The following RBFOX1 variants were observed in gnomAD, a reference collection of about 807,000 sequenced individuals.
The protein encoded by RBFOX1 is RNA binding protein fox-1 homolog 1.
A neutral mutation model predicts 57.7 loss-of-function variants in RBFOX1; 8 were observed. The ratio of observed to expected loss-of-function variants is 0.14; its 90% confidence interval spans 0.08 to 0.25. The LOEUF is 0.25. RBFOX1 is among the 10% of genes least tolerant of loss of function. RBFOX1 has a pLI of 1.00. For missense variants in RBFOX1, 611 were observed against 548.5 expected (o/e 1.11, Z -1.14); for synonymous variants, 326 against 222.4 (o/e 1.47, Z -4.15).
At chr16:6,603,104 C>T (rs1353118000) in intron 2 of RBFOX1, among the ~76,000 whole-genome samples, 1 of 152,204 alleles carries the variant, frequency 6.6e-6, no homozygotes, top group Admixed American at 6.5e-5. Context: ...GGAAACTAAT[C>T]ATCACCGTTG....
At chr16:5,936,532 T>A (rs1288499013) in intron 4 of RBFOX1, among the ~76,000 whole-genome samples, 1 of 152,178 alleles carries the variant, frequency 6.6e-6, no homozygotes, top group Non-Finnish European at 1.5e-5. Context: ...CCTCTGCCCA[T>A]GTCAAGGAGA....
chr16:6,981,688 C>T (rs558785624), intron 3 of RBFOX1, among the ~76,000 whole-genome samples: 2 of 152,132 alleles, frequency 1.3e-5, no homozygotes, highest in Non-Finnish European at 1.5e-5. Context: ...TTTTATAAAA[C>T]CATCTTGTCA....
intron 3 of RBFOX1, among the ~76,000 whole-genome samples, chr16:6,776,257 A>C (rs1210881025): frequency 6.6e-6 from 1 of 151,692 alleles, no homozygotes; most frequent in Non-Finnish European, 1.5e-5. Context: ...TAAAAATACA[A>C]AAAATTAGCC....
chr16:6,502,515 G>A (rs935982866), intron 2 of RBFOX1, among the ~76,000 whole-genome samples: 4 of 152,098 alleles, frequency 2.6e-5, no homozygotes, highest in East Asian at 1.9e-4. Context: ...AGGATTGTAC[G>A]ACATTCTGCA....
chr16:6,450,790 CATATAT>C (rs1202007078), intron 2 of RBFOX1, among the ~76,000 whole-genome samples: 2 of 35,146 alleles, frequency 5.7e-5, no homozygotes, highest in African/African-American at 1.3e-4. Context: ...TATATATATA[CATATAT>C]ATATGTATAT....
Position 6,420,051 on chromosome 16 carries a change from A to G in RBFOX1, c.-64+102994A>G, listed in dbSNP as rs544828904. 2.6e-5 allele frequency among the ~76,000 whole-genome samples: 4 copies of G among 152,308 alleles called. No individual in the cohort carries two copies. The East Asian group carries it at 7.7e-4, about 29-fold the overall frequency. Reference sequence around the variant, plus strand: ...GAGCTGTTTCAGGTTGTTTGTGACAATCACTTAATTTCCTTGTTTTGCAGC... The same window carrying G: ...GAGCTGTTTCAGGTTGTTTGTGACAGTCACTTAATTTCCTTGTTTTGCAGC... On this transcript the variant is annotated intron_variant, in intron 2 of 15. Transcript: ENST00000550418.
At chr16:5,667,493 G>A (rs2049885333) in intron 3 of RBFOX1, among the ~76,000 whole-genome samples, 1 of 152,196 alleles carries the variant, frequency 6.6e-6, no homozygotes, top group East Asian at 1.9e-4. Flanking sequence ...GTTACTTGTA[G>A]TTTTCTAGGA....
chr16:7,254,109 T>A (rs2094586224), intron 4 of RBFOX1, among the ~76,000 whole-genome samples: 1 of 152,196 alleles, frequency 6.6e-6, no homozygotes. Context: ...CCACCTGTTA[T>A]TTTAATTCTC....
intron 2 of RBFOX1, among the ~76,000 whole-genome samples, chr16:6,492,352 G>T (rs944203194): frequency 6.6e-6 from 1 of 152,164 alleles, no homozygotes; most frequent in African/African-American, 2.4e-5. Flanking sequence ...GGAGGATCAT[G>T]AGGTCAGGAG....
At chr16:5,538,051 G>A (rs572044568) in intron 2 of RBFOX1, among the ~76,000 whole-genome samples, 8 of 151,990 alleles carry the variant, frequency 5.3e-5, no homozygotes, top group Non-Finnish European at 8.8e-5. Context: ...GGTGACACAC[G>A]AGCCTGGAGC....
At chr16:7,454,804 G>T (rs1454955948) in intron 4 of RBFOX1, among the ~76,000 whole-genome samples, 1 of 152,108 alleles carries the variant, frequency 6.6e-6, no homozygotes, top group Non-Finnish European at 1.5e-5. Context: ...GATTCCTCTT[G>T]ACCTTCTGGG....
intron 4 of RBFOX1, among the ~76,000 whole-genome samples, chr16:7,497,770 C>A (rs563885522): frequency 3.4e-4 from 52 of 152,318 alleles, no homozygotes; most frequent in South Asian, 1.9e-3. Context: ...CAATGGATAA[C>A]CTTGCAGAGC....
intron 2 of RBFOX1, among the ~76,000 whole-genome samples, chr16:5,554,167 T>C (rs146504868): frequency 0.049 from 7,369 of 151,920 alleles, 194 homozygotes; most frequent in East Asian, 0.1. Context: ...GATGAGGTTT[T>C]ACCGTGTTGG....
intron 3 of RBFOX1, among the ~76,000 whole-genome samples, chr16:5,633,693 G>A (rs921878981): frequency 1.3e-5 from 2 of 152,022 alleles, no homozygotes; most frequent in Admixed American, 6.6e-5. Context: ...GGCCAACATC[G>A]TGAAACTCCG....
chr16:5,739,332 C>T lies in RBFOX1; in HGVS notation c.319-127971C>T, dbSNP rs182107797. Among the ~76,000 whole-genome samples, 20 of 152,338 alleles carry T rather than the reference C, an allele frequency of 1.3e-4. 3 individuals carry two copies. The highest frequency in any genetic ancestry group is 4.1e-4 in the South Asian group (2 of 4,830). ...TTGTGCACCTATGGGTAACGTTCTG[C>T]GTAGCAGGCAGTACTCAAGGCACCG... On this transcript the variant is annotated intron_variant, in intron 3 of 19. Coordinates refer to the RBFOX1 transcript ENST00000641259.
upstream of RBFOX1, among the ~76,000 whole-genome samples, chr16:6,014,121 TAAAA>T (rs1000046502): frequency 4.6e-5 from 7 of 152,162 alleles, no homozygotes; most frequent in African/African-American, 1.7e-4. Context: ...ATAAAAAAAT[TAAAA>T]AATAAAAAGG....
chr16:7,407,143 G>A (rs577967405), intron 4 of RBFOX1, among the ~76,000 whole-genome samples: 6 of 152,252 alleles, frequency 3.9e-5, no homozygotes, highest in East Asian at 1.9e-4. Context: ...TGATTTGTGC[G>A]ATTTTGGTGT....
chr16:7,303,459 A>G (rs1603615652), intron 4 of RBFOX1, among the ~76,000 whole-genome samples: 1 of 152,180 alleles, frequency 6.6e-6, no homozygotes. Flanking sequence ...CCATCGCGCT[A>G]ATTGTCCAGC....
At chr16:7,212,688 C>T (rs2091370647) in intron 4 of RBFOX1, among the ~76,000 whole-genome samples, 1 of 152,084 alleles carries the variant, frequency 6.6e-6, no homozygotes, top group Non-Finnish European at 1.5e-5. Flanking sequence ...TTAGGAATAA[C>T]TTACGCTACA....
Sources: allele counts gnomAD v4.1 joint callset (sites outside exome capture counted in the v4.1 genomes callset), GRCh38; gene constraint gnomAD v4.1.1; transcripts MANE v1.5; gene names NCBI Gene and HGNC (gene_info 2026-07-23, HGNC 2026-07-21).